Variants in LRRC37A2 observed in about 807,000 individuals in gnomAD.
LRRC37A2 encodes the protein leucine-rich repeat-containing protein 37A2.
Under a neutral mutation model 68.8 loss-of-function variants are expected in LRRC37A2, and 9 were observed. The observed-to-expected ratio is 0.13, with a 90% CI of 0.08 to 0.23. The LOEUF is 0.23. Ranked by LOEUF, LRRC37A2 falls within the 10% of genes least tolerant of loss-of-function variation. LRRC37A2 has a pLI of 1.00. For missense variants in LRRC37A2, 168 were observed against 950.4 expected, an observed-to-expected ratio of 0.18 and a Z score of 10.82; for synonymous variants, 63 against 367.6, an observed-to-expected ratio of 0.17 and a Z score of 9.48.
At chr17:46,743,324 ATTC>A in the LRRC37A2 span, among the ~76,000 whole-genome samples, 1 of 152,166 alleles carries the variant, frequency 6.6e-6, no homozygotes, top group African/African-American at 2.4e-5. Flanking sequence ...GCAGAGGACT[ATTC>A]TTCAGGTTCC....
chr17:47,038,822 T>C, the LRRC37A2 span, among the ~76,000 whole-genome samples: 1 of 120,092 alleles, frequency 8.3e-6, no homozygotes, highest in Non-Finnish European at 1.8e-5. Flanking sequence ...GCCTCCTGAG[T>C]AGCTGGGACT....
the LRRC37A2 span, chr17:47,024,869 A>G: frequency 1.7e-6 from 1 of 595,994 alleles, no homozygotes; most frequent in Non-Finnish European, 3.0e-6. Flanking sequence ...CAATTCTGTA[A>G]GTTTGTATAG....
the LRRC37A2 span, chr17:46,704,920 TA>T: frequency 2.0e-6 from 3 of 1,520,210 alleles, no homozygotes; most frequent in Non-Finnish European, 2.7e-6. Flanking sequence ...AGGCGAAAAG[TA>T]AGTGCCATTT....
the LRRC37A2 span, among the ~76,000 whole-genome samples, chr17:47,004,026 C>T: frequency 6.6e-6 from 1 of 152,168 alleles, no homozygotes; most frequent in Non-Finnish European, 1.5e-5. Flanking sequence ...CAGCTTCATC[C>T]ATGTCCCTAC....
chr17:46,726,542 C>A, the LRRC37A2 span: 6 of 1,613,702 alleles, frequency 3.7e-6, no homozygotes, highest in Non-Finnish European at 5.1e-6. Context: ...ACTTTGTTTT[C>A]TTTCAGATCT....
chr17:46,503,207 G>A, the LRRC37A2 span, among the ~76,000 whole-genome samples: 4 of 103,664 alleles, frequency 3.9e-5, no homozygotes, highest in Non-Finnish European at 8.3e-5. Flanking sequence ...GGGAGACTCC[G>A]TCTCAAAAAA....
At chr17:46,731,324 G>A in the LRRC37A2 span, among the ~76,000 whole-genome samples, 2 of 152,114 alleles carry the variant, frequency 1.3e-5, no homozygotes, top group South Asian at 4.2e-4. Context: ...GATGGCCTAG[G>A]GCTGGGAGGG....
At position 46,550,386 on chromosome 17, in the gene LRRC37A2, GTTTTTT is replaced by G; in HGVS notation, c.4705-24_4705-19del. On this transcript the variant is annotated intron_variant, in intron 10 of 14. Coordinates refer to ENST00000576629, the Ensembl canonical transcript of LRRC37A2. Reference sequence around the variant, plus strand: ...TTTTGAATAGTTAGCTCTCATTCTGGTTTTTTTTTTGTGTGTTTTTTTTTTTAGCTC... The same window carrying G: ...TTTTGAATAGTTAGCTCTCATTCTGGTTTTGTGTGTTTTTTTTTTTAGCTC... 3 of 697,710 alleles carry G rather than the reference GTTTTTT, an allele frequency of 4.3e-6. No homozygotes were observed. In the South Asian group the frequency reaches 7.4e-5, roughly 17 times the overall value. 43.2% of individuals were successfully genotyped at this position (697,710 alleles called of 1,614,324 possible).
the LRRC37A2 span, among the ~76,000 whole-genome samples, chr17:46,991,364 C>T: frequency 1.3e-5 from 2 of 152,286 alleles, no homozygotes; most frequent in East Asian, 3.9e-4. Flanking sequence ...CGGTGGTTCA[C>T]GCCTGTAATC....
the LRRC37A2 span, among the ~76,000 whole-genome samples, chr17:46,741,407 T>C: frequency 6.6e-6 from 1 of 152,212 alleles, no homozygotes; most frequent in Non-Finnish European, 1.5e-5. Flanking sequence ...GTATCATGAA[T>C]TCCCCCCCTT....
chr17:46,725,232 A>G, the LRRC37A2 span, among the ~76,000 whole-genome samples: 1 of 152,220 alleles, frequency 6.6e-6, no homozygotes, highest in African/African-American at 2.4e-5. Flanking sequence ...TACAGAGCAG[A>G]CATCATTACT....
the LRRC37A2 span, among the ~76,000 whole-genome samples, chr17:46,919,557 G>C: frequency 6.6e-6 from 1 of 152,084 alleles, no homozygotes; most frequent in Non-Finnish European, 1.5e-5. Flanking sequence ...AAAATTATTT[G>C]AGAAATTTTT....
At chr17:46,726,381 C>T in the LRRC37A2 span, among the ~76,000 whole-genome samples, 2 of 152,228 alleles carry the variant, frequency 1.3e-5, no homozygotes. Context: ...CCTTAGCCTG[C>T]TCTCTGTTCA....
the LRRC37A2 span, among the ~76,000 whole-genome samples, chr17:46,868,475 A>G: frequency 6.6e-6 from 1 of 152,242 alleles, no homozygotes; most frequent in Non-Finnish European, 1.5e-5. Context: ...ACGTGCCCAT[A>G]ATCCCAGCTA....
At chr17:46,760,633 CAA>C in the LRRC37A2 span, among the ~76,000 whole-genome samples, 31 of 61,210 alleles carry the variant, frequency 5.1e-4, no homozygotes, top group Non-Finnish European at 6.0e-4. Context: ...GACCCTATCT[CAA>C]AAAAAAAAAA....
At chr17:47,006,722 G>C in the LRRC37A2 span, among the ~76,000 whole-genome samples, 4 of 152,200 alleles carry the variant, frequency 2.6e-5, no homozygotes, top group Admixed American at 2.6e-4. Context: ...ACAATGTTCA[G>C]GCCCCAGAGA....
the LRRC37A2 span, chr17:46,749,892 G>C: frequency 3.7e-6 from 6 of 1,613,790 alleles, no homozygotes; most frequent in African/African-American, 8.0e-5. Flanking sequence ...GAGAGCAGCT[G>C]TTGGAAGCTT....
At chr17:47,034,971 T>C in the LRRC37A2 span, 4 of 151,976 alleles carry the variant, frequency 2.6e-5, no homozygotes, top group Admixed American at 2.0e-4. Context: ...TGAAAAACCA[T>C]CTGGAATAGG....
chr17:47,034,632 T>G, the LRRC37A2 span, among the ~76,000 whole-genome samples: 1 of 151,868 alleles, frequency 6.6e-6, no homozygotes, highest in South Asian at 2.1e-4. Flanking sequence ...TTACCCAGGC[T>G]GGTCTCAAAC....
Sources: gnomAD v4.1 joint callset for allele counts (sites outside exome capture counted in the v4.1 genomes callset) on GRCh38, gnomAD v4.1.1 for gene constraint, MANE v1.5 for transcripts, NCBI Gene and HGNC (gene_info 2026-07-23, HGNC 2026-07-21) for gene names.